Variants in PCSK1 observed in about 807,000 individuals in gnomAD.
PCSK1 encodes the protein neuroendocrine convertase 1.
In PCSK1, 56 loss-of-function variants were observed where a neutral mutation model predicts 90.6. That is an observed-to-expected ratio of 0.62 (90% CI 0.50 to 0.77). The LOEUF (loss-of-function observed/expected upper bound fraction) is 0.77. Ranked by LOEUF, PCSK1 falls within the 30% of genes least tolerant of loss-of-function variation. PCSK1 has a pLI of 0.00. For synonymous variants in PCSK1, 348 were observed against 342.4 expected (o/e 1.02, Z -0.18); for missense variants, 801 against 932.6 (o/e 0.86, Z 1.84).
At chr5:96,427,609 A>G (rs1165641374) in intron 2 of PCSK1, among the ~76,000 whole-genome samples, 1 of 152,162 alleles carries the variant, frequency 6.6e-6, no homozygotes, top group Non-Finnish European at 1.5e-5. Flanking sequence ...CCACCAAATC[A>G]GCTATCAAGG....
intron 5 of PCSK1, among the ~76,000 whole-genome samples, chr5:96,421,512 A>G (rs1761128023): frequency 6.6e-6 from 1 of 152,184 alleles, no homozygotes; most frequent in Non-Finnish European, 1.5e-5. Flanking sequence ...ATTTCTTTTC[A>G]TGACTAACAT....
rs1761189613 is a variant in PCSK1 at position 96,423,474 on chromosome 5, CA to C, written c.397-16del. 1.9e-6 allele frequency: 3 copies of C among 1,613,372 alleles called. No homozygotes were observed. In the African/African-American group the frequency reaches 4.0e-5, roughly 22 times the overall value. On this transcript the variant is annotated splice_polypyrimidine_tract_variant and intron_variant, in intron 3 of 13. Coordinates refer to ENST00000311106, the MANE Select transcript of PCSK1 (RefSeq NM_000439.5). The stretch of plus-strand genomic sequence containing the variant: ...CTGGTATCTTGCTGGTAAAGAAAAA[CA>C]ACGAAGCATTGATAAAATTATCATT...
intron 5 of PCSK1, among the ~76,000 whole-genome samples, chr5:96,419,176 A>C (rs80298262): frequency 0.025 from 3,731 of 151,920 alleles, 150 homozygotes; most frequent in African/African-American, 0.086. Flanking sequence ...TAGTATTTAA[A>C]TATCTTGTGG....
chr5:96,412,458 CA>C lies in PCSK1; in HGVS notation c.741del (p.Asp247GlufsTer37). On this transcript the variant is annotated frameshift_variant, in exon 7 of 14. Transcript: ENST00000311106. LOFTEE classifies it high-confidence loss of function. ...AATCCAATTGAACTGGCCTCAATAG[CA>C]TCCGTCACAATGCCATCCAGCATTC... is the stretch of plus-strand genomic sequence containing the variant. ...GIRMLDGIVT[D>X]AIEASSIGFN... is the part of the protein sequence containing the mutation. The C allele has an allele frequency of 6.2e-7, 1 of 1,614,056 alleles. No homozygotes were observed. The highest frequency in any genetic ancestry group is 8.5e-7 in the Non-Finnish European group (1 of 1,179,936).
chr5:96,412,573 A>G, intron 6 of PCSK1, 83 bp from the exon 7 acceptor site: 1 of 1,293,348 alleles, frequency 7.7e-7, no homozygotes, highest in Non-Finnish European at 1.1e-6. Flanking sequence ...TACTATTTGT[A>G]TTTTTAAAGG....
chr5:96,401,733 T>A (rs1421255602), intron 9 of PCSK1, among the ~76,000 whole-genome samples: 2 of 152,138 alleles, frequency 1.3e-5, no homozygotes, highest in East Asian at 3.8e-4. Flanking sequence ...TCATTTGTAT[T>A]GTGTTTTGTT....
Position 96,400,660 on chromosome 5 carries a change from G to C in PCSK1, c.1197-474C>G, listed in dbSNP as rs551889515. Among the ~76,000 whole-genome samples, 29 of 152,286 alleles carry C rather than the reference G, an allele frequency of 1.9e-4. No homozygotes were observed. The South Asian group carries it at 6.0e-3, about 32-fold the overall frequency. ...TGTTAAAGACACAGACTGGCTACCTGCTGTAAACATGTATTGCCTTTTTCT... is the reference window on the plus strand; with the variant it reads ...TGTTAAAGACACAGACTGGCTACCTCCTGTAAACATGTATTGCCTTTTTCT... On this transcript the variant is annotated intron_variant, in intron 9 of 13. Coordinates refer to ENST00000311106, the MANE Select transcript of PCSK1 (RefSeq NM_000439.5).
chr5:96,395,266 A>G (rs938097261), intron 12 of PCSK1, among the ~76,000 whole-genome samples: 2 of 152,232 alleles, frequency 1.3e-5, no homozygotes, highest in African/African-American at 4.8e-5. Context: ...TCTCTATGTA[A>G]GTCTTCTTTT....
intron 9 of PCSK1, among the ~76,000 whole-genome samples, chr5:96,400,915 G>A (rs1760338536): frequency 6.6e-6 from 1 of 151,088 alleles, no homozygotes; most frequent in South Asian, 2.1e-4. Context: ...GTGAAACCCC[G>A]TCTCTACTAA....
chr5:96,414,594 G>GGAGT (rs1760882568), intron 6 of PCSK1, among the ~76,000 whole-genome samples: 1 of 152,170 alleles, frequency 6.6e-6, no homozygotes. Flanking sequence ...ATCAAAGGAT[G>GGAGT]GAGTAATGGA....
At chr5:96,409,997 A>G (rs918330154) in intron 8 of PCSK1, among the ~76,000 whole-genome samples, 1 of 152,194 alleles carries the variant, frequency 6.6e-6, no homozygotes. Context: ...TTAGATCATG[A>G]CCTGCTATTT....
intron 9 of PCSK1, among the ~76,000 whole-genome samples, chr5:96,403,633 G>A (rs1760460014): frequency 6.6e-6 from 1 of 152,188 alleles, no homozygotes; most frequent in Non-Finnish European, 1.5e-5. Flanking sequence ...GAAAATAAGG[G>A]TATGGAATTA....
At chr5:96,430,671 G>A (rs1386613527) in intron 1 of PCSK1, among the ~76,000 whole-genome samples, 7 of 152,238 alleles carry the variant, frequency 4.6e-5, no homozygotes, top group East Asian at 3.9e-4. Flanking sequence ...AACCAGGAAC[G>A]TGCTATCAGC....
At chr5:96,403,027 C>A (rs997864380) in intron 9 of PCSK1, among the ~76,000 whole-genome samples, 3 of 152,128 alleles carry the variant, frequency 2.0e-5, no homozygotes, top group Non-Finnish European at 4.4e-5. Context: ...CCGTTTGGAT[C>A]ATCAGTATGT....
chr5:96,420,742 AGGGAGGGAGGG>A (rs1761098608), intron 5 of PCSK1, among the ~76,000 whole-genome samples: 1 of 104,928 alleles, frequency 9.5e-6, no homozygotes, highest in African/African-American at 3.7e-5. Flanking sequence ...TAAGGAAGGG[AGGGAGGGAGGG>A]AGGGAGGAAG....
chr5:96,423,930 C>T (rs140046055), intron 3 of PCSK1, among the ~76,000 whole-genome samples: 1 of 152,266 alleles, frequency 6.6e-6, no homozygotes, highest in East Asian at 1.9e-4. Flanking sequence ...AAAGCAGAAC[C>T]TGGAATGCTC....
intron 2 of PCSK1, among the ~76,000 whole-genome samples, chr5:96,427,086 G>T (rs1761332118): frequency 6.6e-6 from 1 of 152,092 alleles, no homozygotes; most frequent in Non-Finnish European, 1.5e-5. Context: ...TGAGGTAGAG[G>T]GTCACTTACA....
intron 9 of PCSK1, among the ~76,000 whole-genome samples, chr5:96,404,308 T>A (rs1760482381): frequency 6.6e-6 from 1 of 152,148 alleles, no homozygotes; most frequent in Non-Finnish European, 1.5e-5. Flanking sequence ...AAGGAATTCC[T>A]AGGTTGAATA....
intron 4 of PCSK1, among the ~76,000 whole-genome samples, chr5:96,422,858 G>A (rs1272484049): frequency 6.6e-6 from 1 of 150,422 alleles, no homozygotes; most frequent in Non-Finnish European, 1.5e-5. Flanking sequence ...GCTTGGCATA[G>A]GTGCATTGTG....
Sources: gnomAD v4.1 joint callset for allele counts (sites outside exome capture counted in the v4.1 genomes callset) on GRCh38, gnomAD v4.1.1 for gene constraint, MANE v1.5 for transcripts, NCBI Gene and HGNC (gene_info 2026-07-23, HGNC 2026-07-21) for gene names.